The following CCDC81 variants were observed in gnomAD, a reference collection of about 807,000 sequenced individuals.
CCDC81 encodes coiled-coil domain-containing protein 81.
Under a neutral mutation model 83.7 loss-of-function variants are expected in CCDC81, and 79 were observed. The observed-to-expected ratio is 0.94, with a 90% CI of 0.79 to 1.14. The LOEUF is 1.14. CCDC81 is among the 50% of genes most tolerant of loss of function. CCDC81 has a pLI of 0.00. For synonymous variants in CCDC81, 252 were observed against 278.1 expected (o/e 0.91, Z 0.93); for missense variants, 791 against 778.1 (o/e 1.02, Z -0.20).
At position 86,377,915 on chromosome 11, in the gene CCDC81, A is replaced by G. The variant is rs139608296; in HGVS notation, c.79+2673A>G. Among the ~76,000 whole-genome samples the G allele has an allele frequency of 1.9e-4, 26 of 138,818 alleles. 1 individual carries two copies. The highest frequency in any genetic ancestry group is 1.3e-3 in the Admixed American group (18 of 13,682). The allele number at this position is 138,818 out of a possible 152,430, so 91.1% of individuals were successfully genotyped here. On this transcript the variant is annotated intron_variant, in intron 1 of 14. Coordinates refer to ENST00000445632, the MANE Select transcript of CCDC81 (RefSeq NM_001156474.2). The stretch of plus-strand genomic sequence containing the variant: ...GGTTTTGCACTTCATATTTAGGTCT[A>G]TGATCCATTTTAAGTTAATTTTTGT...
chr11:86,417,557 C>G (rs985189270), intron 13 of CCDC81, among the ~76,000 whole-genome samples: 2 of 151,862 alleles, frequency 1.3e-5, no homozygotes, highest in African/African-American at 4.8e-5. Flanking sequence ...TCTTTAATAG[C>G]AGCATATTAT....
At chr11:86,394,917 G>C (rs1301497879) in intron 4 of CCDC81, among the ~76,000 whole-genome samples, 2 of 152,156 alleles carry the variant, frequency 1.3e-5, no homozygotes, top group African/African-American at 4.8e-5. Context: ...TAGCAGTGTG[G>C]GGATTTGAAC....
intron 1 of CCDC81, among the ~76,000 whole-genome samples, chr11:86,385,749 T>C (rs1948233678): frequency 6.6e-6 from 1 of 152,208 alleles, no homozygotes; most frequent in Non-Finnish European, 1.5e-5. Flanking sequence ...CTTGATTAAC[T>C]CTCTTTACAG....
chr11:86,415,594 A>G (rs1948708431), intron 13 of CCDC81, among the ~76,000 whole-genome samples: 1 of 152,204 alleles, frequency 6.6e-6, no homozygotes, highest in African/African-American at 2.4e-5. Flanking sequence ...AAGTGGCTGT[A>G]CTACTTTACA....
intron 2 of CCDC81, among the ~76,000 whole-genome samples, chr11:86,386,849 C>T (rs1288037826): frequency 6.6e-6 from 1 of 152,146 alleles, no homozygotes; most frequent in Non-Finnish European, 1.5e-5. Flanking sequence ...CGTGGTGACA[C>T]ATTTGGAGCT....
chr11:86,414,142 C>T (rs1320416264), intron 11 of CCDC81, among the ~76,000 whole-genome samples: 3 of 152,092 alleles, frequency 2.0e-5, no homozygotes, highest in African/African-American at 4.8e-5. Context: ...TGAATAGTCA[C>T]TTCCTGCTTT....
intron 1 of CCDC81, among the ~76,000 whole-genome samples, chr11:86,381,033 G>A (rs1200760902): frequency 6.6e-6 from 1 of 152,004 alleles, no homozygotes; most frequent in Non-Finnish European, 1.5e-5. Context: ...AAAAGTAACT[G>A]CTATAAATAG....
Position 86,415,143 on chromosome 11 carries a change from G to T in CCDC81, c.1521G>T (p.Glu507Asp), listed in dbSNP as rs773100251. Residue 507 changes from glutamate to aspartate, a missense_variant, in exon 13 of 15, where the codon GAG (glutamate) becomes GAT (aspartate). Glu to Asp is a conservative substitution (Grantham distance 45). Coordinates refer to ENST00000445632, the MANE Select transcript of CCDC81 (RefSeq NM_001156474.2). Reference protein sequence around the residue: ...RLPPFEPDSSEPIFGKNEGEL... With the variant: ...RLPPFEPDSSDPIFGKNEGEL... ...CCCCCTTTGAGCCAGACTCCTCTGA[G>T]CCCATCTTTGGTAAGAATGAGGGTG... The T allele has an allele frequency of 2.5e-6, 4 of 1,614,188 alleles. No homozygotes were observed. Among genetic ancestry groups the T allele is most frequent in the Non-Finnish European group, 3.4e-6 (4 of 1,180,032 alleles).
chr11:86,405,751 CAAT>C (rs1387871371), intron 7 of CCDC81, among the ~76,000 whole-genome samples: 4 of 150,500 alleles, frequency 2.7e-5, no homozygotes, highest in Non-Finnish European at 5.9e-5. Flanking sequence ...CATGTTTTAC[CAAT>C]TTCTTTGGTC....
intron 1 of CCDC81, among the ~76,000 whole-genome samples, chr11:86,379,958 G>C (rs1053535045): frequency 6.6e-6 from 1 of 151,992 alleles, no homozygotes; most frequent in African/African-American, 2.4e-5. Context: ...TGCACTCCAG[G>C]CTGGGCAACA....
intron 7 of CCDC81, among the ~76,000 whole-genome samples, chr11:86,402,679 C>T (rs575185306): frequency 6.6e-6 from 1 of 152,086 alleles, no homozygotes; most frequent in Non-Finnish European, 1.5e-5. Context: ...TACACATTTC[C>T]AATTATCTTC....
chr11:86,389,030 C>T (rs983962794), intron 3 of CCDC81, among the ~76,000 whole-genome samples: 1 of 152,092 alleles, frequency 6.6e-6, no homozygotes, highest in African/African-American at 2.4e-5. Flanking sequence ...GTGGCACATG[C>T]TTGCAATCCC....
intron 12 of CCDC81, 71 bp downstream of exon 12, chr11:86,414,938 T>C: frequency 7.0e-7 from 1 of 1,422,958 alleles, no homozygotes; most frequent in Non-Finnish European, 9.7e-7. Context: ...TATGTGTAAG[T>C]TGTTACGAAT....
intron 7 of CCDC81, among the ~76,000 whole-genome samples, chr11:86,404,783 T>C (rs1335817196): frequency 3.9e-5 from 6 of 152,248 alleles, no homozygotes; most frequent in African/African-American, 1.4e-4. Context: ...ATTTTGGAAT[T>C]GCAGTAAGGG....
chr11:86,404,479 G>C (rs1238452322), intron 7 of CCDC81, among the ~76,000 whole-genome samples: 1 of 152,104 alleles, frequency 6.6e-6, no homozygotes, highest in African/African-American at 2.4e-5. Context: ...TGCTCTAAAG[G>C]ATCTTATTTT....
Position 86,395,314 on chromosome 11 carries a change from GCT to G in CCDC81, c.556-17_556-16del. On this transcript the variant is annotated intron_variant, in intron 4 of 14. Coordinates refer to ENST00000445632, the MANE Select transcript of CCDC81 (RefSeq NM_001156474.2). ...TGGACCTCAGCCTAGATGTAACCTT[GCT>G]CTGTTGCTGTCCTCTAGAGGCCTGG... The G allele has an allele frequency of 6.2e-7, 1 of 1,609,712 alleles. No individual in the cohort carries two copies. Among genetic ancestry groups the G allele is most frequent in the Non-Finnish European group, 8.5e-7 (1 of 1,176,470 alleles).
intron 1 of CCDC81, among the ~76,000 whole-genome samples, chr11:86,383,084 A>G (rs1370922495): frequency 6.6e-6 from 1 of 152,244 alleles, no homozygotes; most frequent in Non-Finnish European, 1.5e-5. Context: ...TCATCATTGT[A>G]TATTCCTGCT....
At chr11:86,387,471 T>C in intron 2 of CCDC81, 45 bp from the exon 3 acceptor site, 1 of 1,580,228 alleles carries the variant, frequency 6.3e-7, no homozygotes, top group Non-Finnish European at 8.7e-7. Flanking sequence ...TATTTTTTCT[T>C]CACTCCTTCA....
intron 5 of CCDC81, among the ~76,000 whole-genome samples, chr11:86,396,125 G>C (rs942480074): frequency 6.6e-6 from 1 of 152,076 alleles, no homozygotes; most frequent in Non-Finnish European, 1.5e-5. Flanking sequence ...ACCACTAAAC[G>C]GGTTAAACAG....
Sources: gnomAD v4.1 joint callset for allele counts (sites outside exome capture counted in the v4.1 genomes callset) on GRCh38, gnomAD v4.1.1 for gene constraint, MANE v1.5 for transcripts, NCBI Gene and HGNC (gene_info 2026-07-23, HGNC 2026-07-21) for gene names.